FYN: variants seen among roughly 807,000 people sequenced by gnomAD.
FYN encodes the protein FYN proto-oncogene, Src family tyrosine kinase.
In FYN, 10 loss-of-function variants were observed where a neutral mutation model predicts 70.2. The observed-to-expected ratio is 0.14, with a 90% CI of 0.09 to 0.24. The LOEUF (loss-of-function observed/expected upper bound fraction) is 0.24. Among genes scored for constraint, FYN ranks in the 10% least tolerant of loss-of-function variants. FYN has a pLI of 1.00. For missense variants in FYN, 319 were observed against 673.1 expected, an observed-to-expected ratio of 0.47 and a Z score of 5.82; for synonymous variants, 236 against 248.6, an observed-to-expected ratio of 0.95 and a Z score of 0.48.
intron 8 of FYN, among the ~76,000 whole-genome samples, chr6:111,701,020 A>G (rs888303720): frequency 6.6e-6 from 1 of 152,002 alleles, no homozygotes; most frequent in African/African-American, 2.4e-5. Flanking sequence ...TCTTCGACGT[A>G]TAATTTAGGT....
At chr6:111,767,552 C>T (rs1186268665) in intron 3 of FYN, among the ~76,000 whole-genome samples, 1 of 152,108 alleles carries the variant, frequency 6.6e-6, no homozygotes, top group Non-Finnish European at 1.5e-5. Flanking sequence ...AGGCATGCAC[C>T]ACCACACCCA....
At chr6:111,778,848 G>GT (rs1201083443) in intron 3 of FYN, among the ~76,000 whole-genome samples, 2 of 151,522 alleles carry the variant, frequency 1.3e-5, no homozygotes, top group African/African-American at 4.9e-5. Flanking sequence ...AAATGCTGGG[G>GT]TTTTTTTTCT....
chr6:111,798,869 A>G (rs1230591102), intron 2 of FYN, among the ~76,000 whole-genome samples: 2 of 152,218 alleles, frequency 1.3e-5, no homozygotes, highest in Admixed American at 6.5e-5. Flanking sequence ...TGAAAATTGT[A>G]TATTTACTCT....
chr6:111,852,800 T>G (rs1187735321), intron 1 of FYN, among the ~76,000 whole-genome samples: 1 of 152,226 alleles, frequency 6.6e-6, no homozygotes, highest in Non-Finnish European at 1.5e-5. Context: ...ATTTCTGTAT[T>G]TGTCCTTTTT....
intron 1 of FYN, among the ~76,000 whole-genome samples, chr6:111,854,449 A>G (rs62413731): frequency 0.043 from 6,616 of 152,276 alleles, 306 homozygotes; most frequent in African/African-American, 0.12. Context: ...CTGCCTCACC[A>G]GACACTAGAT....
intron 8 of FYN, chr6:111,702,595 T>C (rs1205831438): frequency 3.7e-6 from 1 of 266,892 alleles, no homozygotes; most frequent in Admixed American, 5.3e-5. Context: ...AAAAGACAAC[T>C]TGAAGATGAA....
chr6:111,702,834 C>A, intron 8 of FYN, 51 bp downstream of exon 8: 1 of 1,581,032 alleles, frequency 6.3e-7, no homozygotes, highest in Non-Finnish European at 8.7e-7. Flanking sequence ...CTGGGCCTAT[C>A]CACTCCCTCC....
rs764259260 is a variant in FYN at position 111,661,962 on chromosome 6, G to T, written c.1406-15C>A. ...GTTGTTCATGCCTGCAAAGACAAGC[G>T]CAGTGAGAGTGGGCACCCCGGGGAT... On this transcript the variant is annotated splice_polypyrimidine_tract_variant and intron_variant, in intron 13 of 13. Coordinates refer to ENST00000354650, the MANE Select transcript of FYN (RefSeq NM_002037.5). The surrounding 1 kb of genome is among the most constrained non-coding windows in gnomAD (Gnocchi z 4.0). 6 of 1,586,824 alleles carry T rather than the reference G, an allele frequency of 3.8e-6. No individual in the cohort carries two copies. Among genetic ancestry groups the T allele is most frequent in the Middle Eastern group, 1.8e-4 (1 of 5,594 alleles).
chr6:111,707,586 C>A (rs1001572780), intron 6 of FYN, among the ~76,000 whole-genome samples: 1 of 152,122 alleles, frequency 6.6e-6, no homozygotes, highest in African/African-American at 2.4e-5. Flanking sequence ...GAGTGGACTG[C>A]GGGCTTAGAA....
At chr6:111,771,906 T>C (rs1803467600) in intron 3 of FYN, among the ~76,000 whole-genome samples, 1 of 151,114 alleles carries the variant, frequency 6.6e-6, no homozygotes, top group African/African-American at 2.4e-5. Context: ...CAGGCACTTG[T>C]GGCCTGAGGC....
At chr6:111,787,681 C>T (rs1771452175) in intron 2 of FYN, among the ~76,000 whole-genome samples, 1 of 152,158 alleles carries the variant, frequency 6.6e-6, no homozygotes, top group Non-Finnish European at 1.5e-5. Context: ...CACGCATATG[C>T]CAATGGGTTT....
intron 2 of FYN, among the ~76,000 whole-genome samples, chr6:111,838,125 T>C (rs1773246250): frequency 6.6e-6 from 1 of 152,150 alleles, no homozygotes; most frequent in African/African-American, 2.4e-5. Context: ...CTCATTACCC[T>C]AGTAAGATTA....
intron 3 of FYN, among the ~76,000 whole-genome samples, chr6:111,778,799 ACTTT>A (rs1405382359): frequency 6.6e-6 from 1 of 151,582 alleles, no homozygotes; most frequent in Admixed American, 6.6e-5. Context: ...CAGCCTCCTT[ACTTT>A]CTTTTTAACA....
At chr6:111,866,843 T>G (rs1774121767) in intron 1 of FYN, among the ~76,000 whole-genome samples, 3 of 152,254 alleles carry the variant, frequency 2.0e-5, no homozygotes, top group Admixed American at 2.0e-4. Context: ...CATGGTTGTA[T>G]GTTCTACAGG....
chr6:111,712,133 A>G (rs1481545674), intron 5 of FYN, among the ~76,000 whole-genome samples: 3 of 152,220 alleles, frequency 2.0e-5, no homozygotes, highest in African/African-American at 7.2e-5. Flanking sequence ...GGAAGAAGCC[A>G]TGGGACTGAC....
At chr6:111,719,771 C>T in intron 4 of FYN, 34 bp downstream of exon 4, 5 of 1,597,530 alleles carry the variant, frequency 3.1e-6, no homozygotes, top group Middle Eastern at 1.7e-4. Context: ...GGGTGGCTGC[C>T]CCCTCTCTGC....
intron 4 of FYN, among the ~76,000 whole-genome samples, chr6:111,718,654 A>G (rs571305538): frequency 9.9e-5 from 15 of 152,132 alleles, no homozygotes; most frequent in Non-Finnish European, 2.2e-4. Flanking sequence ...TCATCAGAAG[A>G]CAGATGGCCT....
intron 3 of FYN, among the ~76,000 whole-genome samples, chr6:111,730,665 C>T (rs1801407433): frequency 6.6e-6 from 1 of 152,188 alleles, no homozygotes; most frequent in African/African-American, 2.4e-5. Context: ...CTTTGAGCCA[C>T]TGCCCCTAGA....
intron 2 of FYN, among the ~76,000 whole-genome samples, chr6:111,786,411 A>G (rs1407876593): frequency 6.6e-6 from 1 of 152,214 alleles, no homozygotes; most frequent in Non-Finnish European, 1.5e-5. Flanking sequence ...ATGGCTGCAT[A>G]GTATTCCATG....
Sources: allele counts gnomAD v4.1 joint callset (sites outside exome capture counted in the v4.1 genomes callset), GRCh38; gene constraint gnomAD v4.1.1; non-coding constraint Gnocchi (gnomAD v3.1); transcripts MANE v1.5; gene names NCBI Gene and HGNC (gene_info 2026-07-23, HGNC 2026-07-21).